SSX5: variants seen among roughly 807,000 people sequenced by gnomAD.
The protein encoded by SSX5 is SSX family member 5, also known as protein SSX5.
Under a neutral mutation model 14.9 loss-of-function variants are expected in SSX5, and 14 were observed. The observed-to-expected ratio is 0.94, with a 90% CI of 0.62 to 1.47. The LOEUF (loss-of-function observed/expected upper bound fraction) is 1.47. SSX5 is among the 40% of genes most tolerant of loss of function. The pLI is 0.00. For synonymous variants in SSX5, 70 were observed against 55.4 expected, an observed-to-expected ratio of 1.26 and a Z score of -1.17; for missense variants, 204 against 154.6, an observed-to-expected ratio of 1.32 and a Z score of -1.70.
rs1201701532 is a variant in SSX5 at position 48,192,297 on chromosome X, T to C, written c.281-16A>G. Reference sequence around the variant, plus strand: ...GGATGTTCAACTGAAAGAGAATACATCAGAATTTTTCTTTGTTGGTAAAGA... The same window carrying C: ...GGATGTTCAACTGAAAGAGAATACACCAGAATTTTTCTTTGTTGGTAAAGA... On this transcript the variant is annotated splice_polypyrimidine_tract_variant and intron_variant, in intron 4 of 7. Transcript: ENST00000347757. 1 of 1,210,753 alleles carries C rather than the reference T, an allele frequency of 8.3e-7. No individual in the cohort carries two copies. The highest frequency in any genetic ancestry group is 1.8e-5 in the South Asian group (1 of 56,938).
chrX:48,191,110 G>T (rs1328953550), intron 5 of SSX5, among the ~76,000 whole-genome samples: 1 of 109,642 alleles, frequency 9.1e-6, no homozygotes, highest in Admixed American at 9.8e-5. Flanking sequence ...TCACCATGGT[G>T]GGCAGGATGA....
Position 48,190,232 on chromosome X carries a change from A to G in SSX5, c.367T>C (p.Ser123Pro). ...CCAGATGCTTCTGGCACTCCCTTCGAATCATTTCCTTCCTCTGCTGGCTTC... is the reference window on the plus strand; with the variant it reads ...CCAGATGCTTCTGGCACTCCCTTCGGATCATTTCCTTCCTCTGCTGGCTTC... Reference protein sequence around the residue: ...PEKPAEEGNDSKGVPEASGPQ... With the variant: ...PEKPAEEGNDPKGVPEASGPQ... Residue 123 changes from serine (S) to proline (P), a missense_variant, in exon 6 of 8, where the codon TCG becomes CCG. Transcript: ENST00000347757. 1 of 1,206,024 alleles carries G rather than the reference A, an allele frequency of 8.3e-7. No homozygotes were observed. The highest frequency in any genetic ancestry group is 1.1e-6 in the Non-Finnish European group (1 of 893,301).
At position 48,187,627 on chromosome X, in the gene SSX5, G is replaced by A. The variant is rs375263417; in HGVS notation, c.*4C>T. 2.8e-5 allele frequency: 34 copies of A among 1,205,809 alleles called. No homozygotes were observed. Among genetic ancestry groups the A allele is most frequent in the South Asian group, 1.2e-4 (7 of 56,602 alleles). ...GGAGATGAGCCAAAGGTTCACTTAC[G>A]GAGTTACTCGTCATCTTCCTGAGGG... On this transcript the variant is annotated splice_region_variant and 3_prime_UTR_variant, in exon 7 of 8. Coordinates refer to ENST00000347757, the MANE Select transcript of SSX5 (RefSeq NM_175723.2).
intron 7 of SSX5, 33 bp downstream of exon 7, chrX:48,187,594 A>G (rs1269671244): frequency 8.5e-7 from 1 of 1,175,038 alleles, no homozygotes; most frequent in Non-Finnish European, 1.2e-6. Context: ...CACATCTGCA[A>G]GGATGTGGGA....
At chrX:48,195,163 C>G (rs1556925582) in intron 2 of SSX5, 127 bp downstream of exon 2, 1 of 1,211,255 alleles carries the variant, frequency 8.3e-7, no homozygotes, top group Non-Finnish European at 1.1e-6. Context: ...GAGAGGCTCC[C>G]AAGGTTCCAG....
chrX:48,188,393 C>T (rs185391125), intron 6 of SSX5, among the ~76,000 whole-genome samples: 31 of 112,260 alleles, frequency 2.8e-4, no homozygotes, highest in Admixed American at 2.4e-3. Context: ...TACAATCAAT[C>T]CATTTACACT....
intron 1 of SSX5, among the ~76,000 whole-genome samples, chrX:48,195,786 C>G (rs1433766892): frequency 1.8e-5 from 2 of 110,916 alleles, no homozygotes; most frequent in Non-Finnish European, 3.8e-5. Flanking sequence ...GAAGTGAGTC[C>G]CAGAGATAAC....
intron 7 of SSX5, among the ~76,000 whole-genome samples, chrX:48,187,161 A>G (rs782313714): frequency 4.3e-4 from 48 of 111,914 alleles, no homozygotes; most frequent in Non-Finnish European, 7.0e-4. Flanking sequence ...CAGGGAGTAG[A>G]AAGAGCATGG....
At chrX:48,191,072 G>A (rs1453494611) in intron 5 of SSX5, among the ~76,000 whole-genome samples, 2 of 109,940 alleles carry the variant, frequency 1.8e-5, no homozygotes, top group African/African-American at 6.6e-5. Context: ...GCCCCGCTAA[G>A]TTTTGTATTT....
chrX:48,190,045 G>T, intron 6 of SSX5, 88 bp downstream of exon 6: 1 of 1,138,257 alleles, frequency 8.8e-7, no homozygotes, highest in Admixed American at 2.6e-5. Flanking sequence ...ACCCAGGCTT[G>T]TCTGGGGTCC....
chrX:48,194,328 T>A, intron 3 of SSX5, 104 bp from the exon 4 acceptor site: 1 of 899,522 alleles, frequency 1.1e-6, no homozygotes, highest in Admixed American at 2.3e-5. Flanking sequence ...GCTGGAGGAT[T>A]GCTTGAGGCC....
Position 48,186,548 on chromosome X carries a change from A to G in SSX5, c.*313T>C. On this transcript the variant is annotated 3_prime_UTR_variant, in exon 8 of 8. Coordinates refer to ENST00000347757, the MANE Select transcript of SSX5 (RefSeq NM_175723.2). ...AGGGTAGTGTTGTTCTATGCAGAGA[A>G]TACCTGACGATACTTGTTTTCTGAG... 1 of 425,847 alleles carries G rather than the reference A, an allele frequency of 2.3e-6. No individual in the cohort carries two copies. Among genetic ancestry groups the G allele is most frequent in the Non-Finnish European group, 4.1e-6 (1 of 242,048 alleles). 35.1% of individuals were successfully genotyped at this position (425,847 alleles called of 1,213,427 possible).
At chrX:48,195,452 T>C (rs2059437473) in intron 1 of SSX5, 74 bp from the exon 2 acceptor site, 2 of 1,006,115 alleles carry the variant, frequency 2.0e-6, no homozygotes, top group Non-Finnish European at 1.4e-6. Context: ...CAGTGAAGTC[T>C]GGCCACACTC....
chrX:48,186,368 GTGTGT>G lies in SSX5; in HGVS notation c.*488_*492del, dbSNP rs2059395978. ...GGAGATGCCTATACTGGTACTTGGT[GTGTGT>G]GTGTGTGTGTGTGTGTGTGTGTGTG... is the stretch of plus-strand genomic sequence containing the variant. On this transcript the variant is annotated 3_prime_UTR_variant, in exon 8 of 8. Coordinates refer to ENST00000347757, the MANE Select transcript of SSX5 (RefSeq NM_175723.2). 4 of 26,283 alleles carry G rather than the reference GTGTGT, an allele frequency of 1.5e-4. No individual in the cohort carries two copies. Among genetic ancestry groups the G allele is most frequent in the African/African-American group, 4.4e-4 (4 of 9,116 alleles). The allele number at this position is 26,283 out of a possible 1,213,427, so 2.2% of individuals were successfully genotyped here.
At chrX:48,193,860 A>C (rs1238719243) in intron 4 of SSX5, among the ~76,000 whole-genome samples, 3 of 85,473 alleles carry the variant, frequency 3.5e-5, no homozygotes, top group Admixed American at 1.6e-4. Context: ...ACAGCCAGTC[A>C]CCTTAATTTG....
chrX:48,195,277 C>T lies in SSX5; in HGVS notation c.69+13G>A, dbSNP rs375880452. On this transcript the variant is annotated intron_variant, in intron 2 of 7. Transcript: ENST00000347757. ...CCCTGGGCCACTACTATGCCCCCTG[C>T]AGGTCACCTCACCTTTTGCATCTTC... 3.3e-6 allele frequency: 4 copies of T among 1,208,602 alleles called. No individual in the cohort carries two copies. In the African/African-American group the frequency reaches 7.0e-5, roughly 21 times the overall value.
rs782219325 is a variant in SSX5, at chrX:48,194,793, T to C, written c.131A>G (p.Glu44Gly). ...EKEWEKMKAS[E>G]KIIYVYMKRK... ...CTTCATATACACATAGATGATTTTC[T>C]CCGAGGCTTTCATCTTTTCCCACTC... The change falls in exon 3 of 8, where the codon GAG becomes GGG. Residue 44 changes from glutamate to glycine, a missense_variant. Glu to Gly is a moderately conservative substitution (Grantham distance 98). Transcript: ENST00000347757. The C allele has an allele frequency of 4.6e-5, 56 of 1,208,998 alleles. No individual in the cohort carries two copies. The highest frequency in any genetic ancestry group is 6.3e-5 in the Non-Finnish European group (56 of 894,734).
chrX:48,195,697 T>C (rs1325106019), intron 1 of SSX5, among the ~76,000 whole-genome samples: 4 of 111,092 alleles, frequency 3.6e-5, no homozygotes, highest in Non-Finnish European at 7.6e-5. Context: ...CAGACCCTTG[T>C]TGGGAAGGCA....
chrX:48,195,480 A>T (rs2059437569), intron 1 of SSX5, 102 bp from the exon 2 acceptor site: 4 of 849,582 alleles, frequency 4.7e-6, no homozygotes, highest in African/African-American at 4.0e-5. Context: ...TGGAATCAGG[A>T]GTTGCATTTC....
Sources: allele counts gnomAD v4.1 joint callset (sites outside exome capture counted in the v4.1 genomes callset), GRCh38; gene constraint gnomAD v4.1.1; transcripts MANE v1.5; gene names NCBI Gene and HGNC (gene_info 2026-07-23, HGNC 2026-07-21).